Variants in ST6GALNAC5 observed in about 807,000 individuals in gnomAD.
ST6GALNAC5 encodes the protein ST6 N-acetylgalactosaminide alpha-2,6-sialyltransferase 5, also known as alpha-N-acetylgalactosaminide alpha-2,6-sialyltransferase 5.
A neutral mutation model predicts 33.6 loss-of-function variants in ST6GALNAC5; 27 were observed. The ratio of observed to expected loss-of-function variants is 0.80; its 90% CI spans 0.59 to 1.11. The LOEUF (loss-of-function observed/expected upper bound fraction) is 1.11. Among genes scored for constraint, ST6GALNAC5 ranks in the 50% least tolerant of loss-of-function variants. ST6GALNAC5 has a pLI of 0.00. For synonymous variants in ST6GALNAC5, 194 were observed against 171.2 expected (o/e 1.13, Z -1.04); for missense variants, 428 against 454.0 (o/e 0.94, Z 0.52).
chr1:76,893,053 T>A (rs1476347487), intron 2 of ST6GALNAC5, among the ~76,000 whole-genome samples: 2 of 152,154 alleles, frequency 1.3e-5, no homozygotes, highest in African/African-American at 2.4e-5. Flanking sequence ...GCTCTGAATA[T>A]CATCCATATA....
intron 2 of ST6GALNAC5, among the ~76,000 whole-genome samples, chr1:76,937,254 G>A (rs1455526777): frequency 6.6e-6 from 1 of 151,826 alleles, no homozygotes; most frequent in African/African-American, 2.4e-5. Flanking sequence ...TTTGGTTTTT[G>A]ATGTTTGAAC....
intron 2 of ST6GALNAC5, among the ~76,000 whole-genome samples, chr1:76,895,318 G>A (rs1287865486): frequency 1.3e-5 from 2 of 152,132 alleles, no homozygotes; most frequent in African/African-American, 2.4e-5. Context: ...GAGAGAATGG[G>A]CGATGTTTCT....
Position 77,047,374 on chromosome 1 carries a change from T to C in ST6GALNAC5, c.671+2761T>C, listed in dbSNP as rs147317179. Among the ~76,000 whole-genome samples the C allele has an allele frequency of 1.6e-3, 239 of 152,362 alleles. 1 individual carries two copies. The highest frequency in any genetic ancestry group is 5.4e-3 in the African/African-American group (225 of 41,592). ...TTTAGGGTGTAATGGTATTTCTCAATGTATGCTTTTCTTCAAACCCAACAA... is the reference window on the plus strand; with the variant it reads ...TTTAGGGTGTAATGGTATTTCTCAACGTATGCTTTTCTTCAAACCCAACAA... On this transcript the variant is annotated intron_variant, in intron 3 of 4. Coordinates refer to ENST00000477717, the MANE Select transcript of ST6GALNAC5 (RefSeq NM_030965.3).
At chr1:76,983,685 C>T (rs1304055376) in intron 2 of ST6GALNAC5, among the ~76,000 whole-genome samples, 2 of 152,200 alleles carry the variant, frequency 1.3e-5, no homozygotes, top group Non-Finnish European at 2.9e-5. Context: ...CAGAACTCTC[C>T]ACCCCAAATC....
intron 2 of ST6GALNAC5, among the ~76,000 whole-genome samples, chr1:76,992,358 T>C (rs956858483): frequency 1.3e-5 from 2 of 152,214 alleles, no homozygotes; most frequent in African/African-American, 2.4e-5. Context: ...CACCTTCACA[T>C]AGGTTCTCAG....
intron 2 of ST6GALNAC5, among the ~76,000 whole-genome samples, chr1:77,015,998 A>G (rs1650816691): frequency 6.6e-6 from 1 of 151,760 alleles, no homozygotes; most frequent in African/African-American, 2.4e-5. Flanking sequence ...GCTCAGTTTC[A>G]GCTCTAGCCA....
chr1:76,911,513 A>G (rs867857750), intron 2 of ST6GALNAC5, among the ~76,000 whole-genome samples: 3 of 151,970 alleles, frequency 2.0e-5, no homozygotes, highest in East Asian at 3.9e-4. Flanking sequence ...GTTTCAGAAG[A>G]AATGGTACCA....
At chr1:77,025,800 C>T (rs1651208819) in intron 2 of ST6GALNAC5, among the ~76,000 whole-genome samples, 1 of 152,072 alleles carries the variant, frequency 6.6e-6, no homozygotes, top group South Asian at 2.1e-4. Context: ...TGCCCCTCCT[C>T]CAGGCAGTCT....
chr1:76,943,161 T>G (rs1185121486), intron 2 of ST6GALNAC5, among the ~76,000 whole-genome samples: 1 of 152,108 alleles, frequency 6.6e-6, no homozygotes, highest in Non-Finnish European at 1.5e-5. Context: ...GAGGTATCAA[T>G]TCATTTGTTC....
At chr1:77,042,462 T>C (rs569412599) in intron 2 of ST6GALNAC5, among the ~76,000 whole-genome samples, 1 of 152,346 alleles carries the variant, frequency 6.6e-6, no homozygotes, top group South Asian at 2.1e-4. Context: ...AGTAATTAGA[T>C]GTTGGGGGAA....
At chr1:77,038,411 C>G (rs1651727790) in intron 2 of ST6GALNAC5, among the ~76,000 whole-genome samples, 1 of 152,192 alleles carries the variant, frequency 6.6e-6, no homozygotes, top group South Asian at 2.1e-4. Context: ...TACAGAGATT[C>G]TTGAAACACC....
At chr1:77,027,362 G>A (rs1378724804) in intron 2 of ST6GALNAC5, among the ~76,000 whole-genome samples, 4 of 152,182 alleles carry the variant, frequency 2.6e-5, no homozygotes, top group East Asian at 1.9e-4. Flanking sequence ...CTGGAAGTGC[G>A]AGCTTAAGAG....
rs141929913 is a variant in ST6GALNAC5 at position 77,057,940 on chromosome 1, A to G, written c.780-5035A>G. On this transcript the variant is annotated intron_variant, in intron 4 of 4. Transcript: ENST00000477717. Reference sequence around the variant, plus strand: ...CCTGTTGCCATTAGCACCGATGGGCAGAATTGCACATGAGCACAAAGCCTC... The same window carrying G: ...CCTGTTGCCATTAGCACCGATGGGCGGAATTGCACATGAGCACAAAGCCTC... Among the ~76,000 whole-genome samples, 7 of 152,326 alleles carry G rather than the reference A, an allele frequency of 4.6e-5. No individual in the cohort carries two copies. The East Asian group carries it at 1.2e-3, about 25-fold the overall frequency.
chr1:76,968,485 A>G (rs1386565970), intron 2 of ST6GALNAC5, among the ~76,000 whole-genome samples: 1 of 152,152 alleles, frequency 6.6e-6, no homozygotes, highest in East Asian at 1.9e-4. Flanking sequence ...TCTGCACATG[A>G]GATGGGTCTC....
chr1:77,040,587 G>A (rs1415346730), intron 2 of ST6GALNAC5, among the ~76,000 whole-genome samples: 1 of 152,130 alleles, frequency 6.6e-6, no homozygotes, highest in African/African-American at 2.4e-5. Flanking sequence ...AGAGCGCCAG[G>A]TCCTTGGAAG....
chr1:77,058,027 G>A (rs1001183805), intron 4 of ST6GALNAC5, among the ~76,000 whole-genome samples: 4 of 152,142 alleles, frequency 2.6e-5, no homozygotes, highest in Non-Finnish European at 2.9e-5. Context: ...GCAAGAGCTC[G>A]GAGGAAAGCG....
At chr1:76,870,356 ACTGT>A (rs1242289968) in intron 2 of ST6GALNAC5, among the ~76,000 whole-genome samples, 3 of 152,200 alleles carry the variant, frequency 2.0e-5, no homozygotes, top group African/African-American at 7.2e-5. Flanking sequence ...GGTGGAAATT[ACTGT>A]CTAACACTTG....
At chr1:77,024,220 A>T (rs919749075) in intron 2 of ST6GALNAC5, among the ~76,000 whole-genome samples, 1 of 152,146 alleles carries the variant, frequency 6.6e-6, no homozygotes, top group East Asian at 1.9e-4. Context: ...CATTGGCTGC[A>T]GTTGTAATTT....
At chr1:76,883,931 A>C (rs1170341397) in intron 2 of ST6GALNAC5, among the ~76,000 whole-genome samples, 1 of 152,194 alleles carries the variant, frequency 6.6e-6, no homozygotes, top group Non-Finnish European at 1.5e-5. Flanking sequence ...TTGGAGAAGT[A>C]TTATGGGCTG....
Sources: gnomAD v4.1 joint callset for allele counts (sites outside exome capture counted in the v4.1 genomes callset) on GRCh38, gnomAD v4.1.1 for gene constraint, MANE v1.5 for transcripts, NCBI Gene and HGNC (gene_info 2026-07-23, HGNC 2026-07-21) for gene names.